COX11: variants seen among roughly 807,000 people sequenced by gnomAD.
The protein encoded by COX11 is cytochrome c oxidase assembly protein COX11, mitochondrial.
A neutral mutation model predicts 29.4 loss-of-function variants in COX11; 18 were observed. That is an observed-to-expected ratio of 0.61 (90% CI 0.42 to 0.91). The LOEUF (loss-of-function observed/expected upper bound fraction) is 0.91. COX11 is among the 40% of genes least tolerant of loss of function. COX11 has a pLI of 0.00. For missense variants in COX11, 312 were observed against 346.0 expected (o/e 0.90, Z 0.78); for synonymous variants, 131 against 124.0 (o/e 1.06, Z -0.38).
At chr17:54,968,020 G>A (rs2077292651) in intron 1 of COX11, among the ~76,000 whole-genome samples, 3 of 136,406 alleles carry the variant, frequency 2.2e-5, no homozygotes. Context: ...TTGGCGAGGT[G>A]CAGTTCATAG....
chr17:54,962,761 T>G lies in COX11; in HGVS notation c.803A>C (p.His268Pro). The change falls in exon 4 of 4, where the codon CAC (histidine) becomes CCC (proline). Residue 268 changes from histidine (H) to proline (P), a missense_variant. His to Pro is a moderately conservative substitution (Grantham distance 77). Coordinates refer to ENST00000299335, the MANE Select transcript of COX11 (RefSeq NM_004375.5). ...SYTFFEAKEG[H>P]KLPVPGYN Reference sequence around the variant, plus strand: ...ATTATATCCTGGAACTGGCAACTTGTGCCCTTCCTTTGCTTCAAAAAAAGT... The same window carrying G: ...ATTATATCCTGGAACTGGCAACTTGGGCCCTTCCTTTGCTTCAAAAAAAGT... 2 of 1,612,210 alleles carry G rather than the reference T, an allele frequency of 1.2e-6. No homozygotes were observed.
downstream of COX11, among the ~76,000 whole-genome samples, chr17:54,958,730 CAAAAA>C (rs61603848): frequency 5.2e-5 from 3 of 57,488 alleles, no homozygotes; most frequent in Admixed American, 1.5e-4. Flanking sequence ...AACTCCATCT[CAAAAA>C]AAAAAAAAAA....
Position 54,964,866 on chromosome 17 carries a change from C to T in COX11, c.367-14G>A, listed in dbSNP as rs73990233. 16 of 1,609,272 alleles carry T rather than the reference C, an allele frequency of 9.9e-6. No homozygotes were observed. The highest frequency in any genetic ancestry group is 1.4e-5 in the Non-Finnish European group (16 of 1,178,454). ...AAGTCCAGTAGTCTAGAAAAAGATA[C>T]CAAATATGTTAAACAATACTTTTAG... On this transcript the variant is annotated splice_polypyrimidine_tract_variant and intron_variant, in intron 1 of 3. Coordinates refer to ENST00000299335, the MANE Select transcript of COX11 (RefSeq NM_004375.5).
chr17:54,962,638 C>T lies in COX11; in HGVS notation c.*95G>A, dbSNP rs1598104506. ...AAAAAATAATTATTTAAAATATAAG[C>T]CTTCATATTATTGTACAATATTTCT... is the stretch of plus-strand genomic sequence containing the variant. On this transcript the variant is annotated 3_prime_UTR_variant, in exon 4 of 4. Transcript: ENST00000299335. 2.8e-6 allele frequency: 4 copies of T among 1,445,400 alleles called. No individual in the cohort carries two copies. The highest frequency in any genetic ancestry group is 2.8e-6 in the Non-Finnish European group (3 of 1,084,424). The allele number at this position is 1,445,400 out of a possible 1,614,324, so 89.5% of individuals were successfully genotyped here.
At chr17:54,964,075 T>C (rs1342218412) in intron 2 of COX11, among the ~76,000 whole-genome samples, 1 of 152,198 alleles carries the variant, frequency 6.6e-6, no homozygotes, top group East Asian at 1.9e-4. Flanking sequence ...CAAGCACTAA[T>C]ATTTATAAGG....
exon 1 of COX11, chr17:54,952,652 T>A (rs1030860766): frequency 2.0e-5 from 3 of 152,176 alleles, no homozygotes; most frequent in Non-Finnish European, 4.4e-5. Flanking sequence ...CCTGAGGTAT[T>A]TATTCAGGTA....
downstream of COX11, among the ~76,000 whole-genome samples, chr17:54,955,568 CACAG>C (rs2049457840): frequency 6.6e-6 from 1 of 152,118 alleles, no homozygotes; most frequent in Admixed American, 6.5e-5. Context: ...TCATTCAGGC[CACAG>C]ACAAGTAAGA....
rs1006930501 is a variant in COX11, at chr17:54,962,858, A to G, written c.706T>C (p.Phe236Leu). The G allele has an allele frequency of 1.9e-6, 3 of 1,613,212 alleles. No homozygotes were observed. Among genetic ancestry groups the G allele is most frequent in the East Asian group, 2.2e-5 (1 of 44,756 alleles). The change falls in exon 4 of 4, where the codon TTT (phenylalanine) becomes CTT (leucine). Residue 236 changes from phenylalanine (F) to leucine (L), a missense_variant. Transcript: ENST00000299335. Reference protein sequence around the residue: ...NPQEEVDMPVFFYIDPEFAED... With the variant: ...NPQEEVDMPVLFYIDPEFAED... The stretch of plus-strand genomic sequence containing the variant: ...GCAAATTCAGGATCAATGTAGAAAA[A>G]CACTGGCATATCTACTTCCTCTTGG...
At chr17:54,967,403 T>C (rs2077257645) in intron 1 of COX11, among the ~76,000 whole-genome samples, 2 of 152,168 alleles carry the variant, frequency 1.3e-5, no homozygotes, top group South Asian at 4.1e-4. Context: ...AACGTGTATT[T>C]AACGTTAAGC....
intron 1 of COX11, among the ~76,000 whole-genome samples, chr17:54,967,434 C>T (rs963823265): frequency 2.0e-5 from 3 of 152,156 alleles, no homozygotes; most frequent in Admixed American, 2.0e-4. Context: ...ATCCTAATGG[C>T]CAGCCAAAGC....
At chr17:54,963,249 T>C in intron 3 of COX11, 57 bp downstream of exon 3, 1 of 1,554,252 alleles carries the variant, frequency 6.4e-7, no homozygotes, top group Non-Finnish European at 8.7e-7. Flanking sequence ...CTAAGTTTCA[T>C]ACTAAACCGT....
At chr17:54,958,914 A>C (rs2077033574), downstream of COX11, among the ~76,000 whole-genome samples, 3 of 152,292 alleles carry the variant, frequency 2.0e-5, no homozygotes, top group Middle Eastern at 3.4e-3. Flanking sequence ...CAGGAAGGGA[A>C]GAATAACTGA....
downstream of COX11, among the ~76,000 whole-genome samples, chr17:54,958,955 G>C (rs995183661): frequency 1.3e-5 from 2 of 152,148 alleles, no homozygotes; most frequent in Non-Finnish European, 2.9e-5. Context: ...GCCAGGAATA[G>C]ACAGGATCAC....
At chr17:54,968,762 C>G, upstream of COX11, 1 of 1,261,780 alleles carries the variant, frequency 7.9e-7, no homozygotes, top group Non-Finnish European at 1.1e-6. Flanking sequence ...TACCAGGCTC[C>G]TCAGGTGGCA....
chr17:54,960,554 G>T lies in COX11; in HGVS notation c.*2179C>A. 6.2e-7 allele frequency: 1 copy of T among 1,610,984 alleles called. No individual in the cohort carries two copies. The highest frequency in any genetic ancestry group is 1.1e-5 in the South Asian group (1 of 90,992). On this transcript the variant is annotated 3_prime_UTR_variant, in exon 4 of 4. Coordinates refer to ENST00000299335, the MANE Select transcript of COX11 (RefSeq NM_004375.5). Reference sequence around the variant, plus strand: ...GATACATAACCCTTTTGCTGTGATGGCTTTGTTTCAGAGCTATTTATGAAG... The same window carrying T: ...GATACATAACCCTTTTGCTGTGATGTCTTTGTTTCAGAGCTATTTATGAAG...
At position 54,960,738 on chromosome 17, in the gene COX11, C is replaced by T. The variant is rs1366921165; in HGVS notation, c.*1995G>A. 9.4e-5 allele frequency: 73 copies of T among 773,270 alleles called. No homozygotes were observed. The highest frequency in any genetic ancestry group is 2.2e-6 in the Non-Finnish European group (1 of 453,824). The allele number at this position is 773,270 out of a possible 1,614,324, so 47.9% of individuals were successfully genotyped here. A position where few individuals can be genotyped will look rare whatever the true frequency, so the allele number is the denominator to read the frequency against. ...TTCTAAGGGCCATCTGAGTCTGACA[C>T]TTTGAAATATGAGTTCCCCTGAATC... On this transcript the variant is annotated 3_prime_UTR_variant, in exon 4 of 4. Coordinates refer to ENST00000299335, the MANE Select transcript of COX11 (RefSeq NM_004375.5).
chr17:54,961,875 A>C lies in COX11; in HGVS notation c.*858T>G, dbSNP rs1429017867. The C allele has an allele frequency of 1.1e-6, 1 of 930,822 alleles. No homozygotes were observed. Among genetic ancestry groups the C allele is most frequent in the Admixed American group, 6.2e-5 (1 of 16,194 alleles). The allele number at this position is 930,822 out of a possible 1,614,324, so 57.7% of individuals were successfully genotyped here. ...TTTTTTCTCTTTTTACTGCAACTTA[A>C]TATTTCTATTTAGAACACAGAAAAT... On this transcript the variant is annotated 3_prime_UTR_variant, in exon 4 of 4. Transcript: ENST00000299335.
chr17:54,952,121 T>TA (rs1256406303), exon 1 of COX11: 1 of 152,144 alleles, frequency 6.6e-6, no homozygotes, highest in Non-Finnish European at 1.5e-5. Flanking sequence ...ATCTGGAAGA[T>TA]ACAAATTTTA....
chr17:54,968,785 G>A (rs1598126504), upstream of COX11: 3 of 948,358 alleles, frequency 3.2e-6, no homozygotes, highest in East Asian at 7.4e-5. Flanking sequence ...GCTTGCAGTC[G>A]GGCTACGGAG....
Sources: gnomAD v4.1 joint callset for allele counts (sites outside exome capture counted in the v4.1 genomes callset) on GRCh38, gnomAD v4.1.1 for gene constraint, MANE v1.5 for transcripts, NCBI Gene and HGNC (gene_info 2026-07-23, HGNC 2026-07-21) for gene names.